The following CSMD2 variants were observed in gnomAD, a reference collection of about 807,000 sequenced individuals.
CSMD2 encodes CUB and sushi domain-containing protein 2.
A neutral mutation model predicts 398.5 loss-of-function variants in CSMD2; 130 were observed. The ratio of observed to expected loss-of-function variants is 0.33; its 90% CI spans 0.28 to 0.38. The LOEUF (loss-of-function observed/expected upper bound fraction) is 0.38, where lower values mean the gene tolerates loss of function less well. Ranked by LOEUF, CSMD2 falls within the 10% of genes least tolerant of loss-of-function variation. The pLI, the probability that CSMD2 is intolerant of heterozygous loss-of-function variation, is 1.00. For synonymous variants in CSMD2, 1,828 were observed against 1,908.5 expected (o/e 0.96, Z 1.10); for missense variants, 3,829 against 4,764.9 (o/e 0.80, Z 5.78).
intron 3 of CSMD2, among the ~76,000 whole-genome samples, chr1:34,012,460 T>C (rs1301442519): frequency 6.6e-6 from 1 of 152,148 alleles, no homozygotes; most frequent in East Asian, 1.9e-4. Context: ...TTTTTTTCTT[T>C]TTTGAGAGTC....
intron 22 of CSMD2, among the ~76,000 whole-genome samples, chr1:33,704,271 T>C (rs1645703352): frequency 6.6e-6 from 1 of 152,188 alleles, no homozygotes; most frequent in Admixed American, 6.5e-5. Context: ...AGTCACAATT[T>C]TCTATATTCC....
chr1:33,571,595 T>C lies in CSMD2; in HGVS notation c.7894A>G (p.Arg2632Gly). The change falls in exon 51 of 71, where the codon AGG (arginine) becomes GGG (glycine). Residue 2632 changes from arginine to glycine, a missense_variant. By Grantham distance (125) the Arg-to-Gly change is moderately radical. Around this residue, in one of 5 missense-constraint regions of CSMD2, gnomAD observed 723 missense variants for 758.6 expected, o/e 0.95. Transcript: ENST00000373381. ...CCATTGGCCTGACAGCGGATGACCC[T>C]TTGGCCAGTATAGTAGTAGCCAGGG... ...CDPGYYYTGQ[R>G]VIRCQANGKW... The C allele has an allele frequency of 6.4e-7, 1 of 1,570,896 alleles. No individual in the cohort carries two copies. The highest frequency in any genetic ancestry group is 8.7e-7 in the Non-Finnish European group (1 of 1,151,228).
intron 14 of CSMD2, 68 bp downstream of exon 14, chr1:33,743,212 C>T: frequency 7.3e-7 from 1 of 1,360,872 alleles, no homozygotes; most frequent in Non-Finnish European, 1.0e-6. Context: ...TCCATGGGAG[C>T]ACCTTCGATC....
At chr1:33,531,151 A>G (rs1311803349) in intron 64 of CSMD2, among the ~76,000 whole-genome samples, 1 of 152,232 alleles carries the variant, frequency 6.6e-6, no homozygotes, top group Non-Finnish European at 1.5e-5. Context: ...GGATATGTTA[A>G]TTAACATGAC....
intron 13 of CSMD2, among the ~76,000 whole-genome samples, chr1:33,748,767 A>G (rs1647756572): frequency 6.6e-6 from 1 of 152,240 alleles, no homozygotes; most frequent in Admixed American, 6.5e-5. Flanking sequence ...CCTGAAATCA[A>G]GATCAAGATA....
At chr1:33,521,598 ATCTAGAACTCC>A in intron 67 of CSMD2, 48 bp from the exon 68 acceptor site, 1 of 1,158,334 alleles carries the variant, frequency 8.6e-7, no homozygotes, top group Non-Finnish European at 1.3e-6. Flanking sequence ...TGCTGGAAGG[ATCTAGAACTCC>A]TCTCTCATCA....
Position 33,739,120 on chromosome 1 carries a change from C to A in CSMD2, c.2368+20G>T, listed in dbSNP as rs1188881582. ...TCTCTGGCTGACAATGGCCACTGCT[C>A]CCAGCCTGCAGGCTCGTACCTTCAC... On this transcript the variant is annotated intron_variant, in intron 15 of 70. Transcript: ENST00000373381. 6.2e-7 allele frequency: 1 copy of A among 1,603,114 alleles called. No homozygotes were observed. Among genetic ancestry groups the A allele is most frequent in the South Asian group, 1.1e-5 (1 of 89,082 alleles).
At chr1:34,121,810 T>C (rs981811368) in intron 1 of CSMD2, among the ~76,000 whole-genome samples, 6 of 152,042 alleles carry the variant, frequency 3.9e-5, no homozygotes, top group Admixed American at 6.6e-5. Flanking sequence ...GAAGCCATTG[T>C]TTTGGACCCT....
At chr1:33,785,920 T>C (rs1653483710) in intron 12 of CSMD2, among the ~76,000 whole-genome samples, 1 of 152,208 alleles carries the variant, frequency 6.6e-6, no homozygotes, top group African/African-American at 2.4e-5. Flanking sequence ...CTTCTTCTCC[T>C]GCATAAACAT....
chr1:33,639,626 T>C (rs1232120264), intron 29 of CSMD2, among the ~76,000 whole-genome samples: 1 of 152,184 alleles, frequency 6.6e-6, no homozygotes, highest in Non-Finnish European at 1.5e-5. Flanking sequence ...CTAGCCCTAT[T>C]TGGCACATAA....
At position 33,914,637 on chromosome 1, in the gene CSMD2, T is replaced by A. The variant is rs1243090207; in HGVS notation, c.920+3457A>T. On this transcript the variant is annotated intron_variant, in intron 5 of 70. Transcript: ENST00000373381. ...CAGTGCTCACCACAGTAACAGCTTTTTCCTGTTCAAAACATGTATTGTTGG... is the reference window on the plus strand; with the variant it reads ...CAGTGCTCACCACAGTAACAGCTTTATCCTGTTCAAAACATGTATTGTTGG... Among the ~76,000 whole-genome samples the A allele has an allele frequency of 3.9e-5, 6 of 152,294 alleles. No homozygotes were observed. In the East Asian group the frequency reaches 1.2e-3, roughly 29 times the overall value.
At chr1:33,991,599 A>G (rs890442979) in intron 3 of CSMD2, among the ~76,000 whole-genome samples, 1 of 152,158 alleles carries the variant, frequency 6.6e-6, no homozygotes, top group Non-Finnish European at 1.5e-5. Flanking sequence ...GAGTGCATGC[A>G]ATTAAAAAAT....
At position 33,716,536 on chromosome 1, in the gene CSMD2, C is replaced by T. The variant is rs745780412; in HGVS notation, c.3002-35G>A. 1.4e-5 allele frequency: 22 copies of T among 1,521,042 alleles called. 1 individual carries two copies. The highest frequency in any genetic ancestry group is 1.0e-4 in the South Asian group (9 of 86,556). The allele number at this position is 1,521,042 out of a possible 1,614,324, so 94.2% of individuals were successfully genotyped here. Reference sequence around the variant, plus strand: ...GACCAGAGGGTCAGGTTGTTGATGGCGAGATGGCTGGAGAACCTCAGCTGC... The same window carrying T: ...GACCAGAGGGTCAGGTTGTTGATGGTGAGATGGCTGGAGAACCTCAGCTGC... On this transcript the variant is annotated intron_variant, in intron 19 of 70. Transcript: ENST00000373381.
At chr1:33,887,421 A>G (rs1023737370) in intron 5 of CSMD2, among the ~76,000 whole-genome samples, 3 of 152,238 alleles carry the variant, frequency 2.0e-5, no homozygotes, top group Non-Finnish European at 2.9e-5. Flanking sequence ...TGCTAATGTT[A>G]TAAGTGCAGA....
intron 1 of CSMD2, among the ~76,000 whole-genome samples, chr1:34,134,052 C>CAAA (rs59062675): frequency 1.2e-4 from 10 of 85,228 alleles, no homozygotes; most frequent in African/African-American, 4.0e-4. Flanking sequence ...GACTCTGTCT[C>CAAA]AAAAAAAAAA....
chr1:33,588,453 T>TGCTGAATGTCAGTAATCC (rs1425042584), intron 44 of CSMD2, among the ~76,000 whole-genome samples: 9 of 152,218 alleles, frequency 5.9e-5, no homozygotes, highest in African/African-American at 2.2e-4. Flanking sequence ...AGATATCTCC[T>TGCTGAATGTCAGTAATCC]GCTGAATGTC....
At chr1:33,535,355 A>G (rs1655667470) in intron 62 of CSMD2, among the ~76,000 whole-genome samples, 1 of 152,202 alleles carries the variant, frequency 6.6e-6, no homozygotes, top group South Asian at 2.1e-4. Context: ...AAACAATCCT[A>G]TCACATATGT....
chr1:34,010,804 G>A (rs544433224), intron 3 of CSMD2, among the ~76,000 whole-genome samples: 1 of 152,196 alleles, frequency 6.6e-6, no homozygotes, highest in East Asian at 1.9e-4. Flanking sequence ...ATTTTTAGTA[G>A]AGACGAGGTT....
rs540375654 is a variant in CSMD2, at chr1:33,888,141, C to T, written c.920+29953G>A. ...AAGGCCTGGAAAATAAGAGGCATAC[C>T]ATCGTCCAGGATAGGAATATTTACT... On this transcript the variant is annotated intron_variant, in intron 5 of 70. Coordinates refer to ENST00000373381, the MANE Select transcript of CSMD2 (RefSeq NM_001281956.2). Among the ~76,000 whole-genome samples, 370 of 152,018 alleles carry T rather than the reference C, an allele frequency of 2.4e-3. 2 individuals carry two copies. Among genetic ancestry groups the T allele is most frequent in the Non-Finnish European group, 3.8e-3 (258 of 67,950 alleles).
Sources: gnomAD v4.1 joint callset for allele counts (sites outside exome capture counted in the v4.1 genomes callset) on GRCh38, gnomAD v4.1.1 for gene constraint, gnomAD v4.1.1 regional missense constraint, MANE v1.5 for transcripts, NCBI Gene and HGNC (gene_info 2026-07-23, HGNC 2026-07-21) for gene names.